Variants in ZYG11B observed in about 807,000 individuals in gnomAD.
The protein encoded by ZYG11B is zyg-11 family member B, cell cycle regulator.
Under a neutral mutation model 82.4 loss-of-function variants are expected in ZYG11B, and 36 were observed. That is an observed-to-expected ratio of 0.44 (90% CI 0.33 to 0.58). The LOEUF is 0.58. Among genes scored for constraint, ZYG11B ranks in the 20% least tolerant of loss-of-function variants. The pLI is 0.02. For missense variants in ZYG11B, 552 were observed against 895.6 expected, an observed-to-expected ratio of 0.62 and a Z score of 4.90; for synonymous variants, 303 against 312.8, an observed-to-expected ratio of 0.97 and a Z score of 0.33.
chr1:52,742,136 T>C (rs1644435879), intron 1 of ZYG11B, among the ~76,000 whole-genome samples: 1 of 152,150 alleles, frequency 6.6e-6, no homozygotes, highest in Non-Finnish European at 1.5e-5. Context: ...TAGGAAGCTT[T>C]TGGGTAGGAC....
intron 5 of ZYG11B, among the ~76,000 whole-genome samples, chr1:52,789,559 A>C (rs1468700048): frequency 6.6e-6 from 1 of 152,202 alleles, no homozygotes; most frequent in Non-Finnish European, 1.5e-5. Flanking sequence ...AGATAGAGCC[A>C]AGTCTGTCAG....
At chr1:52,817,383 A>G (rs1483355715) in intron 13 of ZYG11B, among the ~76,000 whole-genome samples, 2 of 152,014 alleles carry the variant, frequency 1.3e-5, no homozygotes, top group African/African-American at 4.8e-5. Flanking sequence ...TTTGAAAGCT[A>G]CGATGTAACT....
intron 10 of ZYG11B, among the ~76,000 whole-genome samples, chr1:52,804,565 A>G (rs1645125517): frequency 6.6e-6 from 1 of 151,936 alleles, no homozygotes; most frequent in African/African-American, 2.4e-5. Context: ...GTGAGCCGAG[A>G]TTGCACCATT....
At chr1:52,728,763 C>A (rs1266990509) in intron 1 of ZYG11B, among the ~76,000 whole-genome samples, 1 of 151,878 alleles carries the variant, frequency 6.6e-6, no homozygotes, top group Non-Finnish European at 1.5e-5. Flanking sequence ...TTGAGCTGGG[C>A]CTGAAAGTTG....
In ZYG11B at chr1:52,771,848, A is replaced by T; in HGVS notation, c.951+74A>T. 2 of 1,472,458 alleles carry T rather than the reference A, an allele frequency of 1.4e-6. No homozygotes were observed. The highest frequency in any genetic ancestry group is 2.7e-5 in the South Asian group (2 of 74,918). 91.2% of individuals were successfully genotyped at this position (1,472,458 alleles called of 1,614,324 possible). A position where few individuals can be genotyped will look rare whatever the true frequency, so the allele number is the denominator to read the frequency against. ...TTGCATAAGACTCTATTAAAGATGA[A>T]TGTCTGTAATATATGGAACATGTTC... On this transcript the variant is annotated intron_variant, in intron 3 of 13. Transcript: ENST00000294353. The surrounding 1 kb of genome is among the most constrained non-coding windows in gnomAD (Gnocchi z 5.4).
At position 52,728,139 on chromosome 1, in the gene ZYG11B, C is replaced by A. The variant is rs142297515; in HGVS notation, c.30+1456C>A. Reference sequence around the variant, plus strand: ...TAGCAACCGTTCCTTACTTATTATTCCAAGTGCCCAGGCCAGCTAGGTGCT... The same window carrying A: ...TAGCAACCGTTCCTTACTTATTATTACAAGTGCCCAGGCCAGCTAGGTGCT... On this transcript the variant is annotated intron_variant, in intron 1 of 13. Coordinates refer to ENST00000294353, the MANE Select transcript of ZYG11B (RefSeq NM_024646.3). Among the ~76,000 whole-genome samples the A allele has an allele frequency of 2.9e-3, 449 of 152,276 alleles. 1 individual carries two copies. Among genetic ancestry groups the A allele is most frequent in the African/African-American group, 0.01 (416 of 41,564 alleles).
intron 12 of ZYG11B, among the ~76,000 whole-genome samples, 186 bp downstream of exon 12, chr1:52,814,098 G>A (rs1398709612): frequency 6.6e-6 from 1 of 152,030 alleles, no homozygotes; most frequent in Non-Finnish European, 1.5e-5. Flanking sequence ...TTGGCTCACT[G>A]CAACCTCCAC....
chr1:52,768,788 T>G (rs1161694726), intron 2 of ZYG11B, among the ~76,000 whole-genome samples: 2 of 152,044 alleles, frequency 1.3e-5, no homozygotes, highest in African/African-American at 4.8e-5. Context: ...GAAACGCGGT[T>G]TTGCCACGTT....
intron 1 of ZYG11B, among the ~76,000 whole-genome samples, chr1:52,746,339 T>G (rs888863178): frequency 2.0e-5 from 3 of 152,190 alleles, no homozygotes; most frequent in African/African-American, 7.2e-5. Flanking sequence ...AAACAAAAAG[T>G]CATTTTGAAA....
intron 1 of ZYG11B, among the ~76,000 whole-genome samples, chr1:52,733,433 G>T (rs1223206257): frequency 6.6e-6 from 1 of 152,118 alleles, no homozygotes; most frequent in East Asian, 1.9e-4. Flanking sequence ...CAACACTTTG[G>T]GAGACAAAGG....
intron 4 of ZYG11B, among the ~76,000 whole-genome samples, chr1:52,782,724 C>A (rs540141121): frequency 1.3e-5 from 2 of 152,132 alleles, no homozygotes; most frequent in South Asian, 4.1e-4. Context: ...ACTACAGGCC[C>A]ATGCAACCAC....
rs1408149448 is a variant in ZYG11B at position 52,797,070 on chromosome 1, AT to A, written c.1485+288del. Among the ~76,000 whole-genome samples, 13 of 52,464 alleles carry A rather than the reference AT, an allele frequency of 2.5e-4. No individual in the cohort carries two copies. In the South Asian group the frequency reaches 2.5e-3, roughly 10 times the overall value. 34.4% of individuals were successfully genotyped at this position (52,464 alleles called of 152,430 possible). ...TTTTATATATTATATATATTTATAT[AT>A]TATATATTGTATATATTTATATATT... On this transcript the variant is annotated intron_variant, in intron 8 of 13. Coordinates refer to ENST00000294353, the MANE Select transcript of ZYG11B (RefSeq NM_024646.3).
intron 1 of ZYG11B, chr1:52,754,356 A>G (rs1455545900): frequency 6.6e-6 from 1 of 152,074 alleles, no homozygotes; most frequent in Non-Finnish European, 1.5e-5. Context: ...GATCAAGTGT[A>G]GTATCTGTTC....
rs180764094 is a variant in ZYG11B, at chr1:52,824,684, A to C, written c.*3055A>C. 6.6e-6 allele frequency: 1 copy of C among 152,284 alleles called. No individual in the cohort carries two copies. Among genetic ancestry groups the C allele is most frequent in the Admixed American group, 6.5e-5 (1 of 15,286 alleles). The allele number at this position is 152,284 out of a possible 1,614,324, so 9.4% of individuals were successfully genotyped here. A position where few individuals can be genotyped will look rare whatever the true frequency, so the allele number is the denominator to read the frequency against. On this transcript the variant is annotated 3_prime_UTR_variant, in exon 14 of 14. Transcript: ENST00000294353. ...AATTTATTACATCCCAAATATATAA[A>C]AATTTGAGTGCCTTTGCAGTTGGGA...
chr1:52,800,158 C>T (rs1645063858), intron 8 of ZYG11B, among the ~76,000 whole-genome samples: 1 of 151,406 alleles, frequency 6.6e-6, no homozygotes, highest in Non-Finnish European at 1.5e-5. Flanking sequence ...CACCTGTGGT[C>T]TCAGCTACTC....
At position 52,787,606 on chromosome 1, in the gene ZYG11B, G is replaced by A. The variant is rs140931407; in HGVS notation, c.1270-2397G>A. 2.4e-3 allele frequency among the ~76,000 whole-genome samples: 371 copies of A among 152,292 alleles called. 2 individuals are homozygous for A. The highest frequency in any genetic ancestry group is 8.2e-3 in the African/African-American group (341 of 41,570). The stretch of plus-strand genomic sequence containing the variant: ...AAAGTGTGTTCTGCTAACCAGCTGC[G>A]CTGGCATCCCCTGCAAGCTTGTTAG... On this transcript the variant is annotated intron_variant, in intron 5 of 13. Transcript: ENST00000294353.
intron 3 of ZYG11B, among the ~76,000 whole-genome samples, chr1:52,776,229 A>AAAAAAAAAAAAAAT: frequency 8.5e-5 from 2 of 23,538 alleles, no homozygotes; most frequent in Non-Finnish European, 1.2e-4. Flanking sequence ...TAAAAAAAAA[A>AAAAAAAAAAAAAAT]ATATATATAT....
At position 52,756,488 on chromosome 1, in the gene ZYG11B, A is replaced by C; in HGVS notation, c.61A>C (p.Ile21Leu). The change falls in exon 2 of 14, where the codon ATC becomes CTC. Residue 21 changes from isoleucine (I) to leucine (L), a missense_variant. Physicochemically the swap from Ile to Leu is conservative, Grantham distance 5. This residue lies in a region of ZYG11B where 359 missense variants were observed against 555.8 expected (regional missense o/e 0.65). Coordinates refer to ENST00000294353, the MANE Select transcript of ZYG11B (RefSeq NM_024646.3). The part of the protein sequence containing the change: ...EEASPYSLLD[I>L]CLNFLTTHLE... ...GGCGTCTCCCTATTCCTTACTTGATATCTGCTTGAATTTCTTGACTACTCA... is the reference window on the plus strand; with the variant it reads ...GGCGTCTCCCTATTCCTTACTTGATCTCTGCTTGAATTTCTTGACTACTCA... 1 of 1,613,996 alleles carries C rather than the reference A, an allele frequency of 6.2e-7. No individual in the cohort carries two copies. Among genetic ancestry groups the C allele is most frequent in the East Asian group, 2.2e-5 (1 of 44,884 alleles).
rs537552828 is a variant in ZYG11B, at chr1:52,805,721, C to T, written c.1695+3582C>T. On this transcript the variant is annotated intron_variant, in intron 10 of 13. Coordinates refer to ENST00000294353, the MANE Select transcript of ZYG11B (RefSeq NM_024646.3). ...GTGGCCCATGCCTGTCCCAGCTACTCGGAAAGCTGAGGCAGGAGAATTGCT... is the reference window on the plus strand; with the variant it reads ...GTGGCCCATGCCTGTCCCAGCTACTTGGAAAGCTGAGGCAGGAGAATTGCT... Among the ~76,000 whole-genome samples, 8 of 152,116 alleles carry T rather than the reference C, an allele frequency of 5.3e-5. No homozygotes were observed. In the East Asian group the frequency reaches 5.8e-4, roughly 11 times the overall value.
Sources: gnomAD v4.1 joint callset for allele counts (sites outside exome capture counted in the v4.1 genomes callset) on GRCh38, gnomAD v4.1.1 for gene constraint, gnomAD v4.1.1 regional missense constraint, Gnocchi (gnomAD v3.1) non-coding constraint, MANE v1.5 for transcripts, NCBI Gene and HGNC (gene_info 2026-07-23, HGNC 2026-07-21) for gene names.